The following ST6GALNAC3 variants were observed in gnomAD, a reference collection of about 807,000 sequenced individuals.
ST6GALNAC3 encodes the protein ST6 N-acetylgalactosaminide alpha-2,6-sialyltransferase 3.
ST6GALNAC3 carries 25 observed loss-of-function variants against 32.7 expected under a neutral mutation model. The observed-to-expected ratio is 0.76, with a 90% CI of 0.56 to 1.07. The LOEUF (loss-of-function observed/expected upper bound fraction) is 1.07. Among genes scored for constraint, ST6GALNAC3 ranks in the 50% least tolerant of loss-of-function variants. The probability of loss-of-function intolerance (pLI) is 0.00; values close to 1 mark genes in which losing one functional copy is unlikely to be tolerated. For synonymous variants in ST6GALNAC3, 129 were observed against 133.1 expected (o/e 0.97, Z 0.21); for missense variants, 355 against 382.4 (o/e 0.93, Z 0.60).
chr1:76,352,600 G>C (rs1404846636), intron 2 of ST6GALNAC3, among the ~76,000 whole-genome samples: 1 of 144,198 alleles, frequency 6.9e-6, no homozygotes, highest in African/African-American at 2.6e-5. Context: ...ATTCCTGAAT[G>C]ACCTAATCTA....
chr1:76,636,930 T>C (rs918702936), downstream of ST6GALNAC3: 1 of 152,202 alleles, frequency 6.6e-6, no homozygotes, highest in Non-Finnish European at 1.5e-5. Context: ...CTTTAGTGTC[T>C]AGTTGGTAAA....
intron 3 of ST6GALNAC3, among the ~76,000 whole-genome samples, chr1:76,423,013 C>T (rs1206691934): frequency 3.3e-5 from 5 of 151,954 alleles, no homozygotes; most frequent in Admixed American, 2.0e-4. Flanking sequence ...AGAGACAAAT[C>T]ACTCTGTTCT....
intron 2 of ST6GALNAC3, among the ~76,000 whole-genome samples, chr1:76,363,419 T>C (rs1276479519): frequency 6.6e-6 from 1 of 152,204 alleles, no homozygotes; most frequent in African/African-American, 2.4e-5. Flanking sequence ...TGGACTTCAT[T>C]GTTCACATCA....
At chr1:76,141,296 G>A (rs753951139) in intron 1 of ST6GALNAC3, among the ~76,000 whole-genome samples, 35 of 152,220 alleles carry the variant, frequency 2.3e-4, no homozygotes, top group Middle Eastern at 6.8e-3. Flanking sequence ...GGTTTCTCTC[G>A]TCTGTTGCCC....
At chr1:76,150,460 A>G (rs1438479715) in intron 1 of ST6GALNAC3, among the ~76,000 whole-genome samples, 2 of 152,012 alleles carry the variant, frequency 1.3e-5, no homozygotes, top group African/African-American at 4.8e-5. Context: ...GGTAGACCCA[A>G]TTCCCTCCTA....
intron 3 of ST6GALNAC3, among the ~76,000 whole-genome samples, chr1:76,453,728 G>A (rs1363945749): frequency 1.3e-5 from 2 of 152,102 alleles, no homozygotes; most frequent in Non-Finnish European, 1.5e-5. Context: ...TGTTCCATGT[G>A]CTGATAAATA....
chr1:76,610,823 A>G (rs1647877246), intron 3 of ST6GALNAC3, among the ~76,000 whole-genome samples: 1 of 152,128 alleles, frequency 6.6e-6, no homozygotes, highest in African/African-American at 2.4e-5. Flanking sequence ...AAAACACATA[A>G]AAATGGATAT....
At chr1:76,113,563 T>C (rs1648245231) in intron 1 of ST6GALNAC3, among the ~76,000 whole-genome samples, 2 of 152,036 alleles carry the variant, frequency 1.3e-5, no homozygotes, top group Admixed American at 1.3e-4. Context: ...TCAGTGTGAA[T>C]GTTCTTATGT....
intron 3 of ST6GALNAC3, among the ~76,000 whole-genome samples, chr1:76,614,808 A>G (rs867696506): frequency 2.0e-5 from 3 of 151,686 alleles, no homozygotes; most frequent in Middle Eastern, 3.4e-3. Context: ...ATCAGAATCT[A>G]TTACCGGTAG....
At chr1:76,150,310 T>C (rs371334614) in intron 1 of ST6GALNAC3, among the ~76,000 whole-genome samples, 4 of 152,206 alleles carry the variant, frequency 2.6e-5, no homozygotes, top group African/African-American at 9.6e-5. Context: ...AACTTTCCTC[T>C]TTAACCTTTT....
At chr1:76,547,084 A>G (rs1664342644) in intron 3 of ST6GALNAC3, among the ~76,000 whole-genome samples, 1 of 152,246 alleles carries the variant, frequency 6.6e-6, no homozygotes, top group South Asian at 2.1e-4. Flanking sequence ...TTGCAGAGTA[A>G]CCATTAAATT....
At chr1:76,431,319 C>T (rs1655737129) in intron 3 of ST6GALNAC3, among the ~76,000 whole-genome samples, 1 of 152,166 alleles carries the variant, frequency 6.6e-6, no homozygotes, top group Admixed American at 6.5e-5. Context: ...TTTATCTCCT[C>T]TGCCCTAAAG....
chr1:76,216,480 C>A (rs1655470144), intron 1 of ST6GALNAC3, among the ~76,000 whole-genome samples: 1 of 152,180 alleles, frequency 6.6e-6, no homozygotes, highest in African/African-American at 2.4e-5. Context: ...TGGAATTTCA[C>A]CAGTGGTAGC....
chr1:76,560,972 T>A (rs748521101), intron 3 of ST6GALNAC3, among the ~76,000 whole-genome samples: 3 of 152,156 alleles, frequency 2.0e-5, no homozygotes, highest in Non-Finnish European at 4.4e-5. Context: ...GATGAATGGA[T>A]AAAGAAAATC....
chr1:76,313,191 A>T (rs1258760186), intron 1 of ST6GALNAC3, among the ~76,000 whole-genome samples: 1 of 152,144 alleles, frequency 6.6e-6, no homozygotes, highest in Admixed American at 6.6e-5. Flanking sequence ...GTGAACATCC[A>T]TTCATTCATT....
intron 3 of ST6GALNAC3, among the ~76,000 whole-genome samples, chr1:76,626,815 C>T (rs1230363414): frequency 2.6e-5 from 4 of 151,832 alleles, no homozygotes; most frequent in Non-Finnish European, 5.9e-5. Flanking sequence ...TTGTTGTATC[C>T]CCAGCCTCCA....
At chr1:76,598,235 C>T (rs139751149) in intron 3 of ST6GALNAC3, among the ~76,000 whole-genome samples, 1 of 152,250 alleles carries the variant, frequency 6.6e-6, no homozygotes, top group East Asian at 1.9e-4. Context: ...CTCCAAACAC[C>T]ATCACGACAA....
At chr1:76,519,613 G>T (rs191757538) in intron 3 of ST6GALNAC3, among the ~76,000 whole-genome samples, 642 of 152,174 alleles carry the variant, frequency 4.2e-3, no homozygotes, top group Admixed American at 8.8e-3. Flanking sequence ...ACGTATAGTT[G>T]GTTCATTAAT....
chr1:76,232,651 C>T (rs1159215560), intron 1 of ST6GALNAC3, among the ~76,000 whole-genome samples: 1 of 152,244 alleles, frequency 6.6e-6, no homozygotes, highest in Non-Finnish European at 1.5e-5. Flanking sequence ...TGTATCACAG[C>T]TCCCTGTCCT....
Sources: gnomAD v4.1 joint callset for allele counts (sites outside exome capture counted in the v4.1 genomes callset) on GRCh38, gnomAD v4.1.1 for gene constraint, MANE v1.5 for transcripts, NCBI Gene and HGNC (gene_info 2026-07-23, HGNC 2026-07-21) for gene names.